CACNA1F: variants seen among roughly 807,000 people sequenced by gnomAD.
CACNA1F encodes voltage-dependent L-type calcium channel subunit alpha-1F.
In CACNA1F, 59 loss-of-function variants were observed where a neutral mutation model predicts 143.8. That is an observed-to-expected ratio of 0.41 (90% confidence interval 0.33 to 0.51). The LOEUF (loss-of-function observed/expected upper bound fraction) is 0.51, where lower values mean the gene tolerates loss of function less well. Among genes scored for constraint, CACNA1F ranks in the 20% least tolerant of loss-of-function variants. The pLI is 0.22. For synonymous variants in CACNA1F, 643 were observed against 649.1 expected, an observed-to-expected ratio of 0.99 and a Z score of 0.14; for missense variants, 1,411 against 1,647.5, an observed-to-expected ratio of 0.86 and a Z score of 2.48.
intron 1 of CACNA1F, among the ~76,000 whole-genome samples, chrX:49,232,974 T>C (rs1602660011): frequency 9.0e-6 from 1 of 110,791 alleles, no homozygotes; most frequent in East Asian, 2.8e-4. Context: ...GCCTTCTGGC[T>C]GGTAGAGTTT....
In CACNA1F at chrX:49,210,625, A is replaced by G; in HGVS notation, c.4450T>C (p.Phe1484Leu). The G allele has an allele frequency of 1.7e-6, 2 of 1,210,984 alleles. No homozygotes were observed. The highest frequency in any genetic ancestry group is 2.2e-6 in the Non-Finnish European group (2 of 895,106). Reference protein sequence around the residue: ...LLRRIQPPLGFGKLCPHRVAC... With the variant: ...LLRRIQPPLGLGKLCPHRVAC... The stretch of plus-strand genomic sequence containing the variant: ...ACTCGGTGTGGGCACAGCTTCCCAA[A>G]TCCCAGAGGGGGCTGGATACGTCTC... Residue 1484 changes from phenylalanine to leucine, a missense_variant, in exon 38 of 48, where the codon TTT becomes CTT. This residue lies in a region of CACNA1F where 112 missense variants were observed against 169.2 expected (regional missense o/e 0.66). Coordinates refer to ENST00000323022, the MANE Select transcript of CACNA1F (RefSeq NM_001256789.3).
At chrX:49,219,833 G>T (rs1557108463) in intron 19 of CACNA1F, 43 bp from the exon 20 acceptor site, 8 of 790,603 alleles carry the variant, frequency 1.0e-5, no homozygotes, top group Non-Finnish European at 1.5e-5. Context: ...TGAGCAAGTT[G>T]ATGTAAAGCA....
At chrX:49,212,944 C>A (rs1557106624) in intron 32 of CACNA1F, 30 bp downstream of exon 32, 2 of 1,192,901 alleles carry the variant, frequency 1.7e-6, no homozygotes, top group East Asian at 3.0e-5. Flanking sequence ...GGAAAAGAAG[C>A]AGAGAGTCCC....
intron 22 of CACNA1F, 28 bp downstream of exon 22, chrX:49,218,854 A>G: frequency 8.6e-7 from 1 of 1,165,596 alleles, no homozygotes. Context: ...AGGGCAACTG[A>G]GGGTAGGACT....
chrX:49,222,670 C>A (rs370905647), intron 16 of CACNA1F, 48 bp downstream of exon 16: 7 of 1,207,496 alleles, frequency 5.8e-6, no homozygotes, highest in Non-Finnish European at 7.8e-6. Context: ...GTTCCCCTTA[C>A]CCACCCCGAC....
rs782223881 is a variant in CACNA1F, at chrX:49,219,624, C to T, written c.2543+10G>A. ...CTCCTGCCTCACCCCCTGCCACTTC[C>T]GGCACTCACGGGTTGGTTTGGCTGA... On this transcript the variant is annotated intron_variant, in intron 20 of 47. Transcript: ENST00000323022. 8 of 1,195,793 alleles carry T rather than the reference C, an allele frequency of 6.7e-6. No homozygotes were observed. Among genetic ancestry groups the T allele is most frequent in the Admixed American group, 4.5e-5 (2 of 44,369 alleles).
intron 8 of CACNA1F, 38 bp from the exon 9 acceptor site, chrX:49,227,165 A>G (rs1557110265): frequency 1.4e-5 from 15 of 1,059,057 alleles, no homozygotes; most frequent in South Asian, 1.2e-4. Context: ...GGAGGAGCCA[A>G]TCTGAACACC....
intron 21 of CACNA1F, 135 bp from the exon 22 acceptor site, chrX:49,219,076 C>T (rs1009680411): frequency 5.1e-5 from 31 of 612,412 alleles, no homozygotes; most frequent in Non-Finnish European, 7.6e-5. Context: ...GCTACATGGG[C>T]GCCTTTGGCC....
chrX:49,213,956 T>G, intron 30 of CACNA1F, 54 bp from the exon 31 acceptor site: 4 of 864,131 alleles, frequency 4.6e-6, no homozygotes, highest in Non-Finnish European at 6.7e-6. Flanking sequence ...CAAGCCAGGG[T>G]AGGGGGCCAG....
Position 49,209,949 on chromosome X carries a change from G to A in CACNA1F, c.4682C>T (p.Pro1561Leu), listed in dbSNP as rs374468777. The change falls in exon 40 of 48, where the codon CCA becomes CTA. Residue 1561 changes from proline to leucine, a missense_variant. By Grantham distance (98) the Pro-to-Leu change is moderately conservative. Coordinates refer to ENST00000323022, the MANE Select transcript of CACNA1F (RefSeq NM_001256789.3). The part of the protein sequence containing the change: ...KQKLLDEVIP[P>L]PDEEEVTVGK... ...GGGCGGGGATAGCTCACCGTCTGGTGGGGGGATGACCTCATCTAGCAGCTT... is the reference window on the plus strand; with the variant it reads ...GGGCGGGGATAGCTCACCGTCTGGTAGGGGGATGACCTCATCTAGCAGCTT... 5.9e-6 allele frequency: 7 copies of A among 1,196,461 alleles called. No homozygotes were observed. Among genetic ancestry groups the A allele is most frequent in the Non-Finnish European group, 6.8e-6 (6 of 881,427 alleles).
chrX:49,214,299 C>T (rs782685284), intron 29 of CACNA1F, 30 bp from the exon 30 acceptor site: 36 of 925,547 alleles, frequency 3.9e-5, no homozygotes, highest in Non-Finnish European at 5.5e-5. Context: ...TGAGATGGAG[C>T]CTGAGGCAGA....
intron 42 of CACNA1F, 138 bp downstream of exon 42, chrX:49,209,124 G>T: frequency 1.3e-6 from 1 of 740,885 alleles, no homozygotes. Flanking sequence ...ACCACTCCCA[G>T]CCTCAAATAA....
intron 6 of CACNA1F, 69 bp from the exon 7 acceptor site, chrX:49,228,516 G>A (rs918186835): frequency 2.0e-5 from 17 of 867,084 alleles, no homozygotes; most frequent in Non-Finnish European, 2.5e-5. Context: ...CTGAAGCCCC[G>A]CCCACTTAGG....
At position 49,213,820 on chromosome X, in the gene CACNA1F, T is replaced by C. The variant is rs782649613; in HGVS notation, c.3791A>G (p.Asn1264Ser). Residue 1264 changes from asparagine (N) to serine (S), a missense_variant and splice_region_variant, in exon 31 of 48, where the codon AAT becomes AGT. Asn to Ser is a conservative substitution (Grantham distance 46). Coordinates refer to ENST00000323022, the MANE Select transcript of CACNA1F (RefSeq NM_001256789.3). ...ATTAGTGGAAAGGCCAGTTCTCACATTGACTTCAGTGACGGCAATATCCAC... is the reference window on the plus strand; with the variant it reads ...ATTAGTGGAAAGGCCAGTTCTCACACTGACTTCAGTGACGGCAATATCCAC... ...SIVDIAVTEV[N>S]NGGHLGESSE... 14 of 1,175,096 alleles carry C rather than the reference T, an allele frequency of 1.2e-5. No homozygotes were observed. Among genetic ancestry groups the C allele is most frequent in the Middle Eastern group, 4.7e-4 (2 of 4,295 alleles).
Position 49,228,345 on chromosome X carries a change from T to A in CACNA1F, c.920A>T (p.Asn307Ile). The A allele has an allele frequency of 8.3e-7, 1 of 1,210,934 alleles. No homozygotes were observed. Among genetic ancestry groups the A allele is most frequent in the Non-Finnish European group, 1.1e-6 (1 of 894,581 alleles). The change falls in exon 7 of 48, where the codon AAT becomes ATT. Residue 307 changes from asparagine (N) to isoleucine (I), a missense_variant. Coordinates refer to ENST00000323022, the MANE Select transcript of CACNA1F (RefSeq NM_001256789.3). ...GTTGTCAAAGTTGGTGATGCCTCCATTGGGCCCTGGCCAGCGCCCGCGGCA... is the reference window on the plus strand; with the variant it reads ...GTTGTCAAAGTTGGTGATGCCTCCAATGGGCCCTGGCCAGCGCCCGCGGCA... ...TECRGRWPGP[N>I]GGITNFDNFF...
In CACNA1F at chrX:49,213,886, G is replaced by C; in HGVS notation, c.3725C>G (p.Ala1242Gly). The change falls in exon 31 of 48, where the codon GCC becomes GGC. Residue 1242 changes from alanine (A) to glycine (G), a missense_variant. Transcript: ENST00000323022. Reference sequence around the variant, plus strand: ...AATAAGAGCGTCAAACGTGTTCCAGGCATCAGTGAAGTAATGCTGCAAGTA... The same window carrying C: ...AATAAGAGCGTCAAACGTGTTCCAGCCATCAGTGAAGTAATGCTGCAAGTA... ...AFKPKHYFTD[A>G]WNTFDALIVV... 1 of 1,198,551 alleles carries C rather than the reference G, an allele frequency of 8.3e-7. No homozygotes were observed. Among genetic ancestry groups the C allele is most frequent in the Non-Finnish European group, 1.1e-6 (1 of 883,968 alleles).
rs182655491 is a variant in CACNA1F, at chrX:49,214,164, G to A, written c.3703C>T (p.Pro1235Ser). The A allele has an allele frequency of 2.6e-6, 3 of 1,176,142 alleles. No individual in the cohort carries two copies. The East Asian group carries it at 8.9e-5, about 35-fold the overall frequency. ...GGCTAGAGAAGGGGGGCCACCTTGG[G>A]CTTGAAGGCGATGATTTTGAGCACC... ...EMVLKIIAFKPKHYFTDAWNT... is the reference protein window; with the variant it reads ...EMVLKIIAFKSKHYFTDAWNT... The change falls in exon 30 of 48, where the codon CCC (proline) becomes TCC (serine). Residue 1235 changes from proline to serine, a missense_variant. By Grantham distance (74) the Pro-to-Ser change is moderately conservative. Transcript: ENST00000323022.
In CACNA1F at chrX:49,226,605, C is replaced by G. The variant is rs1557110010; in HGVS notation, c.1369+5G>C. On this transcript the variant is annotated splice_donor_5th_base_variant and intron_variant, in intron 10 of 47. Transcript: ENST00000323022. The stretch of plus-strand genomic sequence containing the variant: ...ACCCCCACCCCAGCCTGGCTGGACC[C>G]CCACCATGGCTGCTGGTGGAGTGTG... The G allele has an allele frequency of 5.1e-6, 6 of 1,172,111 alleles. No homozygotes were observed. Among genetic ancestry groups the G allele is most frequent in the Non-Finnish European group, 6.9e-6 (6 of 874,909 alleles).
intron 3 of CACNA1F, 28 bp downstream of exon 3, chrX:49,231,174 G>T: frequency 1.9e-6 from 2 of 1,026,326 alleles, no homozygotes; most frequent in Non-Finnish European, 2.7e-6. Flanking sequence ...ATTTGGCTGG[G>T]AACTGGCTGG....
Sources: gnomAD v4.1 joint callset for allele counts (sites outside exome capture counted in the v4.1 genomes callset) on GRCh38, gnomAD v4.1.1 for gene constraint, gnomAD v4.1.1 regional missense constraint, MANE v1.5 for transcripts, NCBI Gene and HGNC (gene_info 2026-07-23, HGNC 2026-07-21) for gene names.